The following FDXACB1 variants were observed in gnomAD, a reference collection of about 807,000 sequenced individuals.
FDXACB1 encodes the protein ferredoxin-fold anticodon-binding domain-containing protein 1.
A neutral mutation model predicts 51.7 loss-of-function variants in FDXACB1; 41 were observed. That is an observed-to-expected ratio of 0.79 (90% CI 0.62 to 1.03). FDXACB1 has a LOEUF of 1.03. Ranked by LOEUF, FDXACB1 falls within the 50% of genes least tolerant of loss-of-function variation. The pLI is 0.00. For synonymous variants in FDXACB1, 273 were observed against 278.6 expected, an observed-to-expected ratio of 0.98 and a Z score of 0.20; for missense variants, 697 against 746.4, an observed-to-expected ratio of 0.93 and a Z score of 0.77.
rs782774260 is a variant in FDXACB1 at position 111,879,135 on chromosome 11, C to G, written c.-3G>C. ...AACAGGAGGCGCCGAGGGGCCATGGCCTCCACGGACTCCCGGCTCGCGTTC... is the reference window on the plus strand; with the variant it reads ...AACAGGAGGCGCCGAGGGGCCATGGGCTCCACGGACTCCCGGCTCGCGTTC... On this transcript the variant is annotated 5_prime_UTR_variant, in exon 1 of 5. Transcript: ENST00000260257. 1 of 1,605,598 alleles carries G rather than the reference C, an allele frequency of 6.2e-7. No individual in the cohort carries two copies. Among genetic ancestry groups the G allele is most frequent in the Non-Finnish European group, 8.5e-7 (1 of 1,175,992 alleles).
chr11:111,877,094 G>C (rs575771167), intron 2 of FDXACB1, 83 bp from the exon 3 acceptor site: 17 of 1,343,688 alleles, frequency 1.3e-5, no homozygotes, highest in Admixed American at 1.2e-4. Context: ...CACATGGTTT[G>C]CCTGTGAAAT....
intron 2 of FDXACB1, among the ~76,000 whole-genome samples, chr11:111,877,974 T>G (rs1482713595): frequency 1.3e-5 from 2 of 151,616 alleles, no homozygotes; most frequent in East Asian, 2.0e-4. Context: ...GATCACAAGG[T>G]CAGGAGATCG....
chr11:111,875,455 A>G lies in FDXACB1; in HGVS notation c.1342T>C (p.Tyr448His). 1 of 1,613,128 alleles carries G rather than the reference A, an allele frequency of 6.2e-7. No individual in the cohort carries two copies. The highest frequency in any genetic ancestry group is 8.5e-7 in the Non-Finnish European group (1 of 1,179,802). The change falls in exon 5 of 5, where the codon TAT becomes CAT. Residue 448 changes from tyrosine (Y) to histidine (H), a missense_variant. Transcript: ENST00000260257. ...KFVLQSNGKD[Y>H]MIRVKTHNFS... The stretch of plus-strand genomic sequence containing the variant: ...TTATGAGTCTTCACACGAATCATAT[A>G]ATCCTTTCCATTTGACTGAAGGACA...
intron 4 of FDXACB1, 30 bp downstream of exon 4, chr11:111,876,451 G>A: frequency 1.9e-6 from 3 of 1,606,784 alleles, no homozygotes; most frequent in Non-Finnish European, 2.6e-6. Context: ...ACTGGAGATG[G>A]AAGTGATTTC....
intron 4 of FDXACB1, 148 bp from the exon 5 acceptor site, chr11:111,876,252 G>A (rs1189187564): frequency 4.4e-6 from 4 of 912,612 alleles, no homozygotes; most frequent in Admixed American, 3.0e-5. Context: ...TCTACCATAA[G>A]GAGAAACAGA....
chr11:111,876,251 A>C lies in FDXACB1; in HGVS notation c.693-147T>G, dbSNP rs1382865828. On this transcript the variant is annotated intron_variant, in intron 4 of 4. Coordinates refer to ENST00000260257, the MANE Select transcript of FDXACB1 (RefSeq NM_138378.3). Reference sequence around the variant, plus strand: ...GGAAACAAAGAAATCATCTACCATAAGGAGAAACAGACGTGTATTTCAGAA... The same window carrying C: ...GGAAACAAAGAAATCATCTACCATACGGAGAAACAGACGTGTATTTCAGAA... The C allele has an allele frequency of 1.1e-5, 10 of 910,668 alleles. No individual in the cohort carries two copies. The East Asian group carries it at 2.4e-4, about 22-fold the overall frequency. The allele number at this position is 910,668 out of a possible 1,614,324, so 56.4% of individuals were successfully genotyped here. A position where few individuals can be genotyped will look rare whatever the true frequency, so the allele number is the denominator to read the frequency against.
rs782513683 is a variant in FDXACB1 at position 111,875,153 on chromosome 11, T to C, written c.1644A>G (p.Lys548=). The change falls in exon 5 of 5, where the codon AAA becomes AAG. Residue 548 remains lysine (K), a synonymous_variant. Coordinates refer to ENST00000260257, the MANE Select transcript of FDXACB1 (RefSeq NM_138378.3). ...TGTGAAACTCTAGTTCATCAAATCCTTTCTTCTGATCTATCCAAAAACTAA... is the reference window on the plus strand; with the variant it reads ...TGTGAAACTCTAGTTCATCAAATCCCTTCTTCTGATCTATCCAAAAACTAA... ...HDVSFWIDQK[K]GFDELEFHTV... The C allele has an allele frequency of 6.8e-6, 11 of 1,613,730 alleles. No individual in the cohort carries two copies. Among genetic ancestry groups the C allele is most frequent in the Non-Finnish European group, 8.5e-6 (10 of 1,179,880 alleles).
At chr11:111,878,780 C>T in intron 1 of FDXACB1, 68 bp from the exon 2 acceptor site, 1 of 1,541,892 alleles carries the variant, frequency 6.5e-7, no homozygotes, top group Non-Finnish European at 8.7e-7. Flanking sequence ...AACAGAAAAA[C>T]TCTTCCTAAC....
chr11:111,878,382 T>A (rs1367571276), intron 2 of FDXACB1, among the ~76,000 whole-genome samples, 174 bp downstream of exon 2: 6 of 152,292 alleles, frequency 3.9e-5, no homozygotes, highest in Admixed American at 3.9e-4. Flanking sequence ...TACTTTCATT[T>A]AGCATTTAGG....
At chr11:111,876,430 A>C (rs1164548580) in intron 4 of FDXACB1, 51 bp downstream of exon 4, 1 of 1,580,658 alleles carries the variant, frequency 6.3e-7, no homozygotes, top group African/African-American at 1.4e-5. Context: ...CATCAAGACA[A>C]TCAGGATACA....
chr11:111,875,793 GCTT>G lies in FDXACB1; in HGVS notation c.1001_1003del (p.Glu334del), dbSNP rs782449247. 3.1e-6 allele frequency: 5 copies of G among 1,613,610 alleles called. No homozygotes were observed. Among genetic ancestry groups the G allele is most frequent in the Non-Finnish European group, 4.2e-6 (5 of 1,179,894 alleles). ...GGCCTGGCCACAGGTTCCTTCACAA[GCTT>G]CTTCTTTACCATCTCTTCCAGGATT... On this transcript the variant is annotated inframe_deletion, in exon 5 of 5. Coordinates refer to ENST00000260257, the MANE Select transcript of FDXACB1 (RefSeq NM_138378.3).
At position 111,874,800 on chromosome 11, in the gene FDXACB1, G is replaced by A; in HGVS notation, c.*122C>T. On this transcript the variant is annotated 3_prime_UTR_variant, in exon 5 of 5. Transcript: ENST00000260257. ...AAAAAGATCAACGAACAGTAGCTAT[G>A]GTCACAAAGTAAAAGATTTTACAAA... The A allele has an allele frequency of 3.8e-6, 3 of 794,404 alleles. No individual in the cohort carries two copies. The highest frequency in any genetic ancestry group is 5.8e-6 in the Non-Finnish European group (3 of 513,044). The allele number at this position is 794,404 out of a possible 1,614,324, so 49.2% of individuals were successfully genotyped here. A position where few individuals can be genotyped will look rare whatever the true frequency, so the allele number is the denominator to read the frequency against.
chr11:111,874,769 A>AG lies in FDXACB1; in HGVS notation c.*152_*153insC. 1 of 736,158 alleles carries AG rather than the reference A, an allele frequency of 1.4e-6. No homozygotes were observed. The highest frequency in any genetic ancestry group is 2.7e-5 in the East Asian group (1 of 36,424). The allele number at this position is 736,158 out of a possible 1,614,324, so 45.6% of individuals were successfully genotyped here. On this transcript the variant is annotated 3_prime_UTR_variant, in exon 5 of 5. Coordinates refer to ENST00000260257, the MANE Select transcript of FDXACB1 (RefSeq NM_138378.3). ...GAGCAAGACTCCGTCTCAAAAAAAAAAAAAAAAAAAGATCAACGAACAGTA... is the reference window on the plus strand; with the variant it reads ...GAGCAAGACTCCGTCTCAAAAAAAAAGAAAAAAAAAAGATCAACGAACAGTA...
At position 111,876,819 on chromosome 11, in the gene FDXACB1, G is replaced by T. The variant is rs782385232; in HGVS notation, c.522C>A (p.Cys174Ter). ...ATGCTATTACCTACCTATATCCAGT[G>T]CACTTGTACCCTGCCACAGCCTTAC... ...FSCKAVAGYK[C>*]TGYRSQDKSF... The change falls in exon 3 of 5, where the codon TGC becomes TGA. Residue 174 changes from cysteine (C) to a stop codon, truncating the protein, a stop_gained. Coordinates refer to ENST00000260257, the MANE Select transcript of FDXACB1 (RefSeq NM_138378.3). LOFTEE classifies it high-confidence loss of function. The T allele has an allele frequency of 1.9e-6, 3 of 1,613,896 alleles. No homozygotes were observed. Among genetic ancestry groups the T allele is most frequent in the Non-Finnish European group, 2.5e-6 (3 of 1,179,876 alleles).
rs1446998773 is a variant in FDXACB1 at position 111,875,253 on chromosome 11, A to C, written c.1544T>G (p.Leu515Arg). Residue 515 changes from leucine to arginine, a missense_variant, in exon 5 of 5, where the codon CTG (leucine) becomes CGG (arginine). By Grantham distance (102) the Leu-to-Arg change is moderately radical (BLOSUM62 -2). Around this residue, in one of 3 missense-constraint regions of FDXACB1, gnomAD observed 538 missense variants for 592.2 expected, o/e 0.91. Transcript: ENST00000260257. ...RMLWTFDNRF[L>R]KNFVPGKIEP... ...TATTTTGCCAGGGACAAAATTTTTC[A>C]GGAAACGGTTATCAAACGTCCACAA... is the stretch of plus-strand genomic sequence containing the variant. 8.7e-6 allele frequency: 14 copies of C among 1,613,964 alleles called. No homozygotes were observed. The highest frequency in any genetic ancestry group is 1.2e-5 in the Non-Finnish European group (14 of 1,179,874).
rs1470947159 is a variant in FDXACB1, at chr11:111,875,219, A to G, written c.1578T>C (p.Phe526=). ...ATGGAGGATACAGAGAATGACTTTT[A>G]AAGGGTTCTATTTTGCCAGGGACAA... The part of the protein sequence containing the change: ...KNFVPGKIEP[F]KSHSLYPPCY... Residue 526 remains phenylalanine, a synonymous_variant, in exon 5 of 5, where the codon TTT becomes TTC. Transcript: ENST00000260257. 6.2e-7 allele frequency: 1 copy of G among 1,613,940 alleles called. No homozygotes were observed. Among genetic ancestry groups the G allele is most frequent in the African/African-American group, 1.3e-5 (1 of 75,068 alleles).
rs782021012 is a variant in FDXACB1 at position 111,875,327 on chromosome 11, G to A, written c.1470C>T (p.Asn490=). The A allele has an allele frequency of 6.2e-6, 10 of 1,613,742 alleles. No homozygotes were observed. The highest frequency in any genetic ancestry group is 1.3e-5 in the African/African-American group (1 of 74,844). Residue 490 remains asparagine (N), a synonymous_variant, in exon 5 of 5, where the codon AAC becomes AAT. Transcript: ENST00000260257. ...AGACAAGCATGGCTAATAAGTCCAAGTTCATAGACACAAACACAAAACACT... is the reference window on the plus strand; with the variant it reads ...AGACAAGCATGGCTAATAAGTCCAAATTCATAGACACAAACACAAAACACT... ...KDQCFVFVSM[N]LDLLAMLVWC...
At position 111,876,623 on chromosome 11, in the gene FDXACB1, A is replaced by G. The variant is rs782227098; in HGVS notation, c.550T>C (p.Phe184Leu). The change falls in exon 4 of 5, where the codon TTT (phenylalanine) becomes CTT (leucine). Residue 184 changes from phenylalanine to leucine, a missense_variant. Transcript: ENST00000260257. Reference sequence around the variant, plus strand: ...TGGTTCAAAGCACCTTCTACATGAAAGGACTTATCTTGACTCCTGGCAAAA... The same window carrying G: ...TGGTTCAAAGCACCTTCTACATGAAGGGACTTATCTTGACTCCTGGCAAAA... ...CTGYRSQDKS[F>L]HVEGALNHIF... The G allele has an allele frequency of 2.0e-5, 32 of 1,613,456 alleles. No individual in the cohort carries two copies. The South Asian group carries it at 2.6e-4, about 13-fold the overall frequency.
rs1555162029 is a variant in FDXACB1 at position 111,875,736 on chromosome 11, T to G, written c.1061A>C (p.His354Pro). ...KICLRPSLLV[H>P]VQDVIEVPDF... ...TGGTACTTCGATGACATCCTGAACA[T>G]GCACTAGGAGAGAAGGTCTAAGGCA... Residue 354 changes from histidine to proline, a missense_variant, in exon 5 of 5, where the codon CAT becomes CCT. By Grantham distance (77) the His-to-Pro change is moderately conservative. Around this residue, in one of 3 missense-constraint regions of FDXACB1, gnomAD observed 538 missense variants for 592.2 expected, o/e 0.91. Transcript: ENST00000260257. 4 of 1,613,612 alleles carry G rather than the reference T, an allele frequency of 2.5e-6. No individual in the cohort carries two copies. Among genetic ancestry groups the G allele is most frequent in the Non-Finnish European group, 3.4e-6 (4 of 1,179,886 alleles).
Sources: allele counts gnomAD v4.1 joint callset (sites outside exome capture counted in the v4.1 genomes callset), GRCh38; gene constraint gnomAD v4.1.1; regional missense constraint gnomAD v4.1.1; transcripts MANE v1.5; gene names NCBI Gene and HGNC (gene_info 2026-07-23, HGNC 2026-07-21).